POPDC1: variants seen among roughly 807,000 people sequenced by gnomAD.
POPDC1 encodes the protein popeye domain-containing protein 1.
chr6:105,130,171 C>G, the POPDC1 span, among the ~76,000 whole-genome samples: 1 of 152,114 alleles, frequency 6.6e-6, no homozygotes, highest in Non-Finnish European at 1.5e-5. Context: ...AGTTTTCATA[C>G]AGTTTTACCT....
the POPDC1 span, chr6:105,129,235 TA>T: frequency 0.93 from 633,727 of 684,304 alleles, 295,438 homozygotes; most frequent in Non-Finnish European, 0.95. Context: ...CTTTCAGGCA[TA>T]ATGTAAACAG....
chr6:105,108,705 C>T, the POPDC1 span, among the ~76,000 whole-genome samples: 4 of 152,182 alleles, frequency 2.6e-5, no homozygotes, highest in African/African-American at 9.7e-5. Context: ...GAACAGTCTC[C>T]TTTGAACAGA....
At chr6:105,111,955 C>T in the POPDC1 span, among the ~76,000 whole-genome samples, 4 of 152,256 alleles carry the variant, frequency 2.6e-5, no homozygotes, top group East Asian at 1.9e-4. Flanking sequence ...ACCCAACTAC[C>T]GGCAGATGAG....
At chr6:105,109,763 C>CAAAAAAA in the POPDC1 span, among the ~76,000 whole-genome samples, 210 of 22,856 alleles carry the variant, frequency 9.2e-3, 16 homozygotes, top group African/African-American at 0.018. Flanking sequence ...GACCCTTTCT[C>CAAAAAAA]AAAAAAAAAA....
At chr6:105,117,428 G>A in the POPDC1 span, among the ~76,000 whole-genome samples, 2 of 152,182 alleles carry the variant, frequency 1.3e-5, no homozygotes, top group Non-Finnish European at 2.9e-5. Context: ...ACATTTCAAG[G>A]TTAGATCCAG....
chr6:105,132,507 T>C, the POPDC1 span, among the ~76,000 whole-genome samples: 1 of 152,174 alleles, frequency 6.6e-6, no homozygotes, highest in African/African-American at 2.4e-5. Context: ...CAGCATCTGA[T>C]ACGCCATACT....
At chr6:105,120,626 T>C in the POPDC1 span, among the ~76,000 whole-genome samples, 4 of 152,188 alleles carry the variant, frequency 2.6e-5, no homozygotes, top group East Asian at 1.9e-4. Flanking sequence ...GACTAAGCAT[T>C]TGCAAACAGG....
At chr6:105,131,326 T>C in the POPDC1 span, among the ~76,000 whole-genome samples, 4 of 152,178 alleles carry the variant, frequency 2.6e-5, no homozygotes, top group African/African-American at 9.6e-5. Context: ...AGGTATATAA[T>C]GGGAGGATAG....
the POPDC1 span, among the ~76,000 whole-genome samples, chr6:105,132,484 C>T: frequency 4.8e-4 from 73 of 152,274 alleles, no homozygotes; most frequent in African/African-American, 1.7e-3. Context: ...ATAATGGGTG[C>T]ACACCTGCAT....
At chr6:105,107,695 T>A in the POPDC1 span, among the ~76,000 whole-genome samples, 1 of 152,228 alleles carries the variant, frequency 6.6e-6, no homozygotes, top group African/African-American at 2.4e-5. Flanking sequence ...ATTTTTATTA[T>A]GTTTAACCAT....
the POPDC1 span, chr6:105,129,471 A>G: frequency 1.2e-6 from 2 of 1,612,562 alleles, no homozygotes; most frequent in South Asian, 2.2e-5. Flanking sequence ...GCACATCGGT[A>G]GAGAGTGGCC....
chr6:105,124,487 T>C, the POPDC1 span: 3 of 1,207,986 alleles, frequency 2.5e-6, no homozygotes, highest in Non-Finnish European at 3.7e-6. Context: ...TAATATCCTT[T>C]GGATTCTGAA....
At chr6:105,133,433 T>C in the POPDC1 span, 2 of 1,613,884 alleles carry the variant, frequency 1.2e-6, no homozygotes, top group South Asian at 1.1e-5. Flanking sequence ...AAACAAATAT[T>C]TGCTACATGA....
chr6:105,101,113 T>A, the POPDC1 span: 3 of 1,612,744 alleles, frequency 1.9e-6, no homozygotes, highest in Non-Finnish European at 2.5e-6. Context: ...GGACTTTCAA[T>A]GTATTTGGAG....
the POPDC1 span, among the ~76,000 whole-genome samples, chr6:105,109,335 G>A: frequency 2.0e-5 from 3 of 152,110 alleles, no homozygotes; most frequent in African/African-American, 7.2e-5. Flanking sequence ...ATGTTACAAA[G>A]TTAAACAATA....
At chr6:105,124,728 T>C in the POPDC1 span, 1 of 1,073,166 alleles carries the variant, frequency 9.3e-7, no homozygotes, top group Non-Finnish European at 1.4e-6. Context: ...ACTGCTATCA[T>C]CTTATGCGAT....
At chr6:105,123,685 C>G in the POPDC1 span, among the ~76,000 whole-genome samples, 1 of 152,088 alleles carries the variant, frequency 6.6e-6, no homozygotes, top group Non-Finnish European at 1.5e-5. Context: ...AGCCACCGTG[C>G]CCGGCTGGAG....
chr6:105,115,902 T>C, the POPDC1 span: 3 of 1,495,592 alleles, frequency 2.0e-6, no homozygotes, highest in Non-Finnish European at 2.7e-6. Context: ...AGCATGTACT[T>C]TTCCTAGAAA....
chr6:105,111,944 C>T, the POPDC1 span, among the ~76,000 whole-genome samples: 7 of 152,190 alleles, frequency 4.6e-5, no homozygotes, highest in Admixed American at 1.3e-4. Context: ...CAAACTTCTA[C>T]ACCCAACTAC....
Sources: allele counts gnomAD v4.1 joint callset (sites outside exome capture counted in the v4.1 genomes callset), GRCh38; gene constraint gnomAD v4.1.1; transcripts MANE v1.5; gene names NCBI Gene and HGNC (gene_info 2026-07-23, HGNC 2026-07-21).